The following FBXO38 variants were observed in gnomAD, a reference collection of about 807,000 sequenced individuals.
FBXO38 encodes the protein F-box protein 38, also known as F-box only protein 38.
Under a neutral mutation model 131.9 loss-of-function variants are expected in FBXO38, and 53 were observed. That is an observed-to-expected ratio of 0.40 (90% CI 0.32 to 0.51). The LOEUF (loss-of-function observed/expected upper bound fraction) is 0.51, where lower values mean the gene tolerates loss of function less well. Ranked by LOEUF, FBXO38 falls within the 20% of genes least tolerant of loss-of-function variation. The pLI, the probability that FBXO38 is intolerant of heterozygous loss-of-function variation, is 0.53. For missense variants in FBXO38, 1,076 were observed against 1,475.6 expected (o/e 0.73, Z 4.44); for synonymous variants, 452 against 505.6 (o/e 0.89, Z 1.42).
intron 15 of FBXO38, among the ~76,000 whole-genome samples, chr5:148,431,700 C>G (rs1025939984): frequency 1.3e-5 from 2 of 152,138 alleles, no homozygotes; most frequent in African/African-American, 4.8e-5. Flanking sequence ...AATGTGCTGC[C>G]TTTAGAAGGT....
chr5:148,407,484 T>G (rs534007041), intron 7 of FBXO38, among the ~76,000 whole-genome samples: 2 of 152,124 alleles, frequency 1.3e-5, no homozygotes, highest in Admixed American at 6.5e-5. Flanking sequence ...AAAAATAACT[T>G]AGAAGAATGT....
intron 1 of FBXO38, among the ~76,000 whole-genome samples, chr5:148,388,654 TC>T (rs1433054726): frequency 8.5e-5 from 13 of 152,194 alleles, no homozygotes; most frequent in Non-Finnish European, 1.5e-4. Flanking sequence ...TTCTAAAACT[TC>T]CTCACCTCTC....
intron 9 of FBXO38, 73 bp downstream of exon 9, chr5:148,410,838 G>C: frequency 7.2e-7 from 1 of 1,393,686 alleles, no homozygotes; most frequent in Non-Finnish European, 9.8e-7. Context: ...TCTGAATTGG[G>C]TTGTGCCATG....
intron 1 of FBXO38, among the ~76,000 whole-genome samples, chr5:148,386,194 G>C (rs1229461950): frequency 6.6e-6 from 1 of 152,138 alleles, no homozygotes; most frequent in East Asian, 1.9e-4. Flanking sequence ...TTCTATCAGA[G>C]CATCTAGAAG....
In FBXO38 at chr5:148,395,431, T is replaced by TA. The variant is rs1561514284; in HGVS notation, c.128+534dup. ...GATGAACACAACACAAAAAGACTTC[T>TA]AAAAAAATTATATTTTTACCCAAAC... is the stretch of plus-strand genomic sequence containing the variant. On this transcript the variant is annotated intron_variant, in intron 2 of 21. Transcript: ENST00000340253. Among the ~76,000 whole-genome samples the TA allele has an allele frequency of 2.0e-5, 3 of 151,452 alleles. No homozygotes were observed. In the South Asian group the frequency reaches 6.3e-4, roughly 32 times the overall value.
intron 1 of FBXO38, chr5:148,384,986 C>T (rs1757835560): frequency 6.6e-6 from 1 of 152,132 alleles, no homozygotes; most frequent in Admixed American, 6.5e-5. Flanking sequence ...TAAAGGAAGA[C>T]GTTGGATTAG....
intron 7 of FBXO38, among the ~76,000 whole-genome samples, chr5:148,408,111 A>G (rs1752540935): frequency 6.6e-6 from 1 of 152,154 alleles, no homozygotes; most frequent in Non-Finnish European, 1.5e-5. Context: ...AAGCCAATAA[A>G]CATGAAAAAA....
chr5:148,400,203 A>C (rs1315873368), intron 3 of FBXO38, among the ~76,000 whole-genome samples: 1 of 152,104 alleles, frequency 6.6e-6, no homozygotes, highest in Non-Finnish European at 1.5e-5. Context: ...TCAGATATTT[A>C]ATAAAAGCCA....
At chr5:148,416,869 C>T (rs1753084007) in intron 11 of FBXO38, 125 bp from the exon 12 acceptor site, 2 of 641,512 alleles carry the variant, frequency 3.1e-6, no homozygotes, top group Admixed American at 5.2e-5. Context: ...TATGTGAAAG[C>T]ATTTCATAAA....
At chr5:148,438,183 A>G (rs1754460247) in intron 17 of FBXO38, 149 bp from the exon 18 acceptor site, 3 of 624,522 alleles carry the variant, frequency 4.8e-6, no homozygotes, top group East Asian at 3.2e-5. Context: ...CACATTTTCA[A>G]ATTTTTTTGT....
chr5:148,432,612 A>G (rs560725229), intron 15 of FBXO38, among the ~76,000 whole-genome samples: 1 of 152,264 alleles, frequency 6.6e-6, no homozygotes, highest in Non-Finnish European at 1.5e-5. Flanking sequence ...ACAGTGCCTG[A>G]CACACAGTAA....
rs1754488363 is a variant in FBXO38, at chr5:148,438,602, C to T, written c.3024+104C>T. ...TTTGGATTTGGCATTCATTCACTTG[C>T]CCAACCTACAGTAATGATATTTTAG... is the stretch of plus-strand genomic sequence containing the variant. On this transcript the variant is annotated intron_variant, in intron 18 of 21. Coordinates refer to ENST00000340253, the MANE Select transcript of FBXO38 (RefSeq NM_205836.3). The T allele has an allele frequency of 4.2e-6, 5 of 1,181,950 alleles. No homozygotes were observed. The South Asian group carries it at 7.5e-5, about 18-fold the overall frequency. 73.2% of individuals were successfully genotyped at this position (1,181,950 alleles called of 1,614,324 possible).
At chr5:148,421,185 C>G (rs1218502918) in intron 12 of FBXO38, among the ~76,000 whole-genome samples, 1 of 152,082 alleles carries the variant, frequency 6.6e-6, no homozygotes, top group Non-Finnish European at 1.5e-5. Context: ...CCAGGATGGT[C>G]TCCATCTCAA....
rs200535006 is a variant in FBXO38 at position 148,427,834 on chromosome 5, G to C, written c.2540G>C (p.Arg847Thr). ...SGSGATGEDR[R>T]GSSQPESCDV... ...TCTGGGGCTACAGGTGAGGACAGGA[G>C]GGGGAGCTCCCAGCCTGAGAGTTGT... is the stretch of plus-strand genomic sequence containing the variant. The change falls in exon 15 of 22, where the codon AGG becomes ACG. Residue 847 changes from arginine to threonine, a missense_variant. Physicochemically the swap from Arg to Thr is moderately conservative, Grantham distance 71. This residue lies in a region of FBXO38 where 213 missense variants were observed against 225.2 expected (regional missense o/e 0.95). Coordinates refer to ENST00000340253, the MANE Select transcript of FBXO38 (RefSeq NM_205836.3). 1.5e-5 allele frequency: 24 copies of C among 1,602,910 alleles called. No individual in the cohort carries two copies. The highest frequency in any genetic ancestry group is 1.1e-4 in the East Asian group (5 of 44,842).
At chr5:148,439,626 T>A (rs1255069983) in intron 18 of FBXO38, 21 bp from the exon 19 acceptor site, 1 of 1,606,954 alleles carries the variant, frequency 6.2e-7, no homozygotes, top group Non-Finnish European at 8.5e-7. Context: ...TGAAGACATC[T>A]CTTTATGATG....
chr5:148,422,299 T>C (rs1753487237), intron 12 of FBXO38, among the ~76,000 whole-genome samples: 1 of 152,204 alleles, frequency 6.6e-6, no homozygotes, highest in African/African-American at 2.4e-5. Flanking sequence ...TACATCATTC[T>C]TGAACATGAC....
intron 10 of FBXO38, chr5:148,415,532 CTAAGTA>C (rs1199158968): frequency 9.7e-6 from 2 of 206,080 alleles, no homozygotes; most frequent in African/African-American, 2.4e-5. Context: ...GTTTTTTGTA[CTAAGTA>C]TAATTTGGAG....
intron 18 of FBXO38, among the ~76,000 whole-genome samples, chr5:148,439,147 T>C (rs550100241): frequency 2.6e-4 from 40 of 152,284 alleles, no homozygotes; most frequent in African/African-American, 8.2e-4. Flanking sequence ...CAAACACTTA[T>C]GCCACGCAGA....
Position 148,419,347 on chromosome 5 carries a change from C to T in FBXO38, c.1618+2143C>T, listed in dbSNP as rs1201290230. 2.6e-5 allele frequency among the ~76,000 whole-genome samples: 4 copies of T among 151,968 alleles called. No homozygotes were observed. The East Asian group carries it at 5.8e-4, about 22-fold the overall frequency. ...CTGTTATTAAACATGTATACACACA[C>T]ACACAACACACACACACATATAAGT... On this transcript the variant is annotated intron_variant, in intron 12 of 21. Coordinates refer to ENST00000340253, the MANE Select transcript of FBXO38 (RefSeq NM_205836.3).
Sources: gnomAD v4.1 joint callset for allele counts (sites outside exome capture counted in the v4.1 genomes callset) on GRCh38, gnomAD v4.1.1 for gene constraint, gnomAD v4.1.1 regional missense constraint, MANE v1.5 for transcripts, NCBI Gene and HGNC (gene_info 2026-07-23, HGNC 2026-07-21) for gene names.